COPG2: variants seen among roughly 807,000 people sequenced by gnomAD.
The protein encoded by COPG2 is coat protein complex I subunit gamma 2.
COPG2 carries 37 observed loss-of-function variants against 46.3 expected under a neutral mutation model. The observed-to-expected ratio is 0.80, with a 90% CI of 0.61 to 1.05. COPG2 has a LOEUF of 1.05. Among genes scored for constraint, COPG2 ranks in the 50% least tolerant of loss-of-function variants. COPG2 has a pLI of 0.00. For missense variants in COPG2, 427 were observed against 387.8 expected, an observed-to-expected ratio of 1.10 and a Z score of -0.85; for synonymous variants, 159 against 129.7, an observed-to-expected ratio of 1.23 and a Z score of -1.53.
intron 12 of COPG2, among the ~76,000 whole-genome samples, chr7:130,555,421 TG>T (rs1793605325): frequency 6.6e-6 from 1 of 152,184 alleles, no homozygotes; most frequent in Non-Finnish European, 1.5e-5. Flanking sequence ...GATTTTAAAG[TG>T]AACCATAAAG....
At chr7:130,527,729 A>G in intron 20 of COPG2, among the ~76,000 whole-genome samples, 1 of 152,096 alleles carries the variant, frequency 6.6e-6, no homozygotes, top group East Asian at 1.9e-4. Context: ...TGCGAGGGGA[A>G]GATGCATGTG....
chr7:130,668,525 A>C, intron 1 of COPG2, 107 bp downstream of exon 1: 1 of 1,012,132 alleles, frequency 9.9e-7, no homozygotes, highest in Non-Finnish European at 1.3e-6. Flanking sequence ...GCCCCCTGGC[A>C]CGGCGGCGCC....
chr7:130,662,501 G>A (rs1795997674), intron 4 of COPG2, among the ~76,000 whole-genome samples: 1 of 152,216 alleles, frequency 6.6e-6, no homozygotes, highest in Non-Finnish European at 1.5e-5. Flanking sequence ...CTGAAGGTCA[G>A]GGTGGCCTAA....
intron 4 of COPG2, among the ~76,000 whole-genome samples, chr7:130,660,572 G>A (rs1420117417): frequency 6.6e-6 from 1 of 151,930 alleles, no homozygotes; most frequent in Non-Finnish European, 1.5e-5. Flanking sequence ...TAAACCCCAG[G>A]TCACTTCCCT....
At position 130,613,555 on chromosome 7, in the gene COPG2, C is replaced by G; in HGVS notation, c.481G>C (p.Val161Leu). 6.3e-7 allele frequency: 1 copy of G among 1,589,124 alleles called. No individual in the cohort carries two copies. The highest frequency in any genetic ancestry group is 8.6e-7 in the Non-Finnish European group (1 of 1,163,662). Residue 161 changes from valine to leucine, a missense_variant, in exon 7 of 24, where the codon GTA becomes CTA. Physicochemically the swap from Val to Leu is conservative, Grantham distance 32. Coordinates refer to ENST00000425248, the MANE Select transcript of COPG2 (RefSeq NM_012133.6). ...KVSSVSSSAL[V>L]SSLHMMKISY... ...GCTTGTTCACTTACCAGGGAAGATA[C>G]CAGTGCTGAACTGGATACACTGGAA...
At chr7:130,544,277 T>G (rs1310475032) in intron 20 of COPG2, among the ~76,000 whole-genome samples, 2 of 152,188 alleles carry the variant, frequency 1.3e-5, no homozygotes, top group Non-Finnish European at 2.9e-5. Context: ...CAAGTTAATA[T>G]GGTTAATACT....
intron 12 of COPG2, among the ~76,000 whole-genome samples, chr7:130,558,876 T>C (rs1793673614): frequency 6.6e-6 from 1 of 152,104 alleles, no homozygotes; most frequent in African/African-American, 2.4e-5. Context: ...AAGGATAAGA[T>C]TGAATCTGTT....
intron 9 of COPG2, among the ~76,000 whole-genome samples, chr7:130,598,928 C>T (rs1794581338): frequency 1.3e-5 from 2 of 152,150 alleles, no homozygotes; most frequent in East Asian, 1.9e-4. Flanking sequence ...GCTTGTTTAA[C>T]CTCTTTGTAA....
intron 7 of COPG2, among the ~76,000 whole-genome samples, chr7:130,612,607 A>C (rs1554452290): frequency 1.3e-5 from 2 of 152,346 alleles, no homozygotes. Context: ...CTCTGCTATA[A>C]AACTCAGCCA....
intron 2 of COPG2, 133 bp from the exon 3 acceptor site, chr7:130,667,062 G>A: frequency 3.4e-6 from 2 of 581,800 alleles, no homozygotes; most frequent in Non-Finnish European, 6.0e-6. Context: ...AATTTACTAA[G>A]GTATCTGATA....
At chr7:130,521,679 C>T (rs1188121128) in intron 20 of COPG2, among the ~76,000 whole-genome samples, 1 of 152,146 alleles carries the variant, frequency 6.6e-6, no homozygotes, top group Non-Finnish European at 1.5e-5. Flanking sequence ...AAGTGATGGA[C>T]ACTAAATAAA....
At chr7:130,653,822 T>G (rs1584612713) in intron 4 of COPG2, among the ~76,000 whole-genome samples, 1 of 150,974 alleles carries the variant, frequency 6.6e-6, no homozygotes, top group Admixed American at 6.6e-5. Flanking sequence ...GAAAAGAGAG[T>G]GAGGATCCTC....
Position 130,666,855 on chromosome 7 carries a change from C to G in COPG2, c.165G>C (p.Leu55=). Residue 55 remains leucine, a synonymous_variant, in exon 3 of 24, where the codon CTG becomes CTC. Coordinates refer to ENST00000425248, the MANE Select transcript of COPG2 (RefSeq NM_012133.6). ...LHILTKILYL[L]NQGEHFGTTE... ...GAAAATAAAAATAATATACCTGGTTCAGTAAGTAAAGAATCTTTGTAAGAA... is the reference window on the plus strand; with the variant it reads ...GAAAATAAAAATAATATACCTGGTTGAGTAAGTAAAGAATCTTTGTAAGAA... 3 of 1,439,268 alleles carry G rather than the reference C, an allele frequency of 2.1e-6. No individual in the cohort carries two copies. The highest frequency in any genetic ancestry group is 2.9e-6 in the Non-Finnish European group (3 of 1,031,906). 89.2% of individuals were successfully genotyped at this position (1,439,268 alleles called of 1,614,324 possible). A position where few individuals can be genotyped will look rare whatever the true frequency, so the allele number is the denominator to read the frequency against.
At chr7:130,513,321 A>ATATATGTGTGTGTGTGTG (rs1554441297) in intron 20 of COPG2, among the ~76,000 whole-genome samples, 1 of 42,700 alleles carries the variant, frequency 2.3e-5, no homozygotes, top group African/African-American at 9.0e-5. Flanking sequence ...ATATATATAT[A>ATATATGTGTGTGTGTGTG]TATATATATA....
chr7:130,662,151 G>A (rs1414476545), intron 4 of COPG2, among the ~76,000 whole-genome samples: 4 of 152,138 alleles, frequency 2.6e-5, no homozygotes, highest in African/African-American at 9.7e-5. Flanking sequence ...GAGGAAATTA[G>A]TCTTCCTTTG....
intron 9 of COPG2, among the ~76,000 whole-genome samples, chr7:130,567,109 T>C (rs1211511357): frequency 6.6e-6 from 1 of 152,202 alleles, no homozygotes; most frequent in Non-Finnish European, 1.5e-5. Context: ...TCGATAGAGC[T>C]GGAGGCCATT....
At chr7:130,513,363 A>ATATATATATATGTGTGTGTGTGTGTG (rs1799641303) in intron 20 of COPG2, among the ~76,000 whole-genome samples, 4 of 45,418 alleles carry the variant, frequency 8.8e-5, no homozygotes, top group African/African-American at 1.9e-4. Context: ...GTGTGTGTAT[A>ATATATATATATGTGTGTGTGTGTGTG]TATATATATA....
chr7:130,545,526 G>T (rs1427742279), intron 20 of COPG2, among the ~76,000 whole-genome samples: 2 of 152,228 alleles, frequency 1.3e-5, no homozygotes. Context: ...CTATGCCCTG[G>T]TATTTCACTT....
At chr7:130,524,889 A>C (rs1799759348) in intron 20 of COPG2, among the ~76,000 whole-genome samples, 1 of 152,142 alleles carries the variant, frequency 6.6e-6, no homozygotes, top group Non-Finnish European at 1.5e-5. Context: ...GGAACAGACA[A>C]GGTAGGATGG....
Sources: gnomAD v4.1 joint callset for allele counts (sites outside exome capture counted in the v4.1 genomes callset) on GRCh38, gnomAD v4.1.1 for gene constraint, MANE v1.5 for transcripts, NCBI Gene and HGNC (gene_info 2026-07-23, HGNC 2026-07-21) for gene names.